Variants in FRMD1 observed in about 807,000 individuals in gnomAD.
FRMD1 encodes FERM domain-containing protein 1.
Under a neutral mutation model 54.9 loss-of-function variants are expected in FRMD1, and 51 were observed. The ratio of observed to expected loss-of-function variants is 0.93; its 90% confidence interval spans 0.74 to 1.17. The LOEUF is 1.17. Among genes scored for constraint, FRMD1 ranks in the 50% most tolerant of loss-of-function variants. FRMD1 has a pLI of 0.00. For synonymous variants in FRMD1, 324 were observed against 306.4 expected (o/e 1.06, Z -0.60); for missense variants, 729 against 743.0 (o/e 0.98, Z 0.22).
In FRMD1 at chr6:168,063,532, C is replaced by A. The variant is rs551868087; in HGVS notation, c.804+69G>T. The A allele has an allele frequency of 1.0e-4, 152 of 1,488,924 alleles. No individual in the cohort carries two copies. The African/African-American group carries it at 2.0e-3, about 20-fold the overall frequency. The allele number at this position is 1,488,924 out of a possible 1,614,324, so 92.2% of individuals were successfully genotyped here. A position where few individuals can be genotyped will look rare whatever the true frequency, so the allele number is the denominator to read the frequency against. The stretch of plus-strand genomic sequence containing the variant: ...CCCTGGGGTCCTGATCCCACTCAGC[C>A]ATGGGGGCTCCGTGCATCCCTGGCC... On this transcript the variant is annotated intron_variant, in intron 6 of 10. Coordinates refer to ENST00000283309, the MANE Select transcript of FRMD1 (RefSeq NM_024919.6).
intron 2 of FRMD1, among the ~76,000 whole-genome samples, chr6:168,069,462 TC>T (rs1471862925): frequency 2.0e-5 from 3 of 152,176 alleles, no homozygotes; most frequent in Non-Finnish European, 2.9e-5. Context: ...TGGTCCTGAC[TC>T]CCCCGAATTC....
At chr6:168,058,530 C>T (rs974953649) in intron 10 of FRMD1, among the ~76,000 whole-genome samples, 2 of 151,830 alleles carry the variant, frequency 1.3e-5, no homozygotes, top group African/African-American at 4.8e-5. Flanking sequence ...CCAGAGGGGG[C>T]CTCACCCTCC....
Position 168,057,194 on chromosome 6 carries a change from G to A in FRMD1, c.1553C>T (p.Pro518Leu). 1.2e-6 allele frequency: 2 copies of A among 1,601,358 alleles called. No homozygotes were observed. Among genetic ancestry groups the A allele is most frequent in the Non-Finnish European group, 1.7e-6 (2 of 1,173,404 alleles). Residue 518 changes from proline to leucine, a missense_variant, in exon 11 of 11, where the codon CCC becomes CTC. Transcript: ENST00000283309. Reference sequence around the variant, plus strand: ...GGGGAGAGTGGCCCTGGTCTCGCAGGGGCCTGCCAGCCTGCAGTCCAGGGC... The same window carrying A: ...GGGGAGAGTGGCCCTGGTCTCGCAGAGGCCTGCCAGCCTGCAGTCCAGGGC... ...HRALDCRLAG[P>L]CETRATLPSK...
At chr6:168,074,721 T>C (rs1800488997) in intron 2 of FRMD1, among the ~76,000 whole-genome samples, 1 of 151,116 alleles carries the variant, frequency 6.6e-6, no homozygotes, top group African/African-American at 2.4e-5. Context: ...TGTGCATGTG[T>C]ACATGTGACT....
chr6:168,066,398 T>A, intron 4 of FRMD1: 1 of 489,412 alleles, frequency 2.0e-6, no homozygotes, highest in Non-Finnish European at 2.7e-6. Flanking sequence ...CTCTGGAGAC[T>A]AAGGCAGAAG....
intron 1 of FRMD1, among the ~76,000 whole-genome samples, chr6:168,088,481 C>T (rs1400353468): frequency 6.6e-6 from 1 of 152,212 alleles, no homozygotes; most frequent in Non-Finnish European, 1.5e-5. Context: ...CCTGCTGCCT[C>T]CCCCGGCATC....
chr6:168,067,263 C>G (rs1335131056), intron 3 of FRMD1, 104 bp downstream of exon 3: 1 of 774,028 alleles, frequency 1.3e-6, no homozygotes. Context: ...CGCGGTCCCC[C>G]ACAGCCCACC....
rs765040355 is a variant in FRMD1, at chr6:168,055,307, G to A, written c.*1790C>T. 3.9e-5 allele frequency: 6 copies of A among 153,072 alleles called. No homozygotes were observed. The highest frequency in any genetic ancestry group is 1.4e-4 in the African/African-American group (6 of 41,442). 9.5% of individuals were successfully genotyped at this position (153,072 alleles called of 1,614,324 possible). ...AAGCCTGGACATGGGGAGTGTGCAT[G>A]TATGGATGTGTGCATGTGTGTGTGT... On this transcript the variant is annotated 3_prime_UTR_variant, in exon 11 of 11. Transcript: ENST00000283309.
rs369363753 is a variant in FRMD1 at position 168,075,835 on chromosome 6, C to G, written c.214-500G>C. ...TAAACACCCAGCGTCTGGTGCGTGTCCCTGTTTCCGGCGTCCCGTGTCCAC... is the reference window on the plus strand; with the variant it reads ...TAAACACCCAGCGTCTGGTGCGTGTGCCTGTTTCCGGCGTCCCGTGTCCAC... On this transcript the variant is annotated intron_variant, in intron 1 of 10. Transcript: ENST00000283309. 5,932 of 1,538,324 alleles carry G rather than the reference C, an allele frequency of 3.9e-3. 14 individuals are homozygous for G. The highest frequency in any genetic ancestry group is 4.8e-3 in the Non-Finnish European group (5,452 of 1,139,880).
Position 168,079,038 on chromosome 6 carries a change from C to A in FRMD1, c.57G>T (p.Thr19=), listed in dbSNP as rs752747508. ...GIDPARTNPD[T]FPPSGARCME... ...TACATCGCGCCCCTGAAGGAGGGAA[C>A]GTGTCAGGGTTTGTCCGGGCGGGGT... Residue 19 remains threonine (T), a synonymous_variant, in exon 1 of 11, where the codon ACG becomes ACT. Coordinates refer to ENST00000283309, the MANE Select transcript of FRMD1 (RefSeq NM_024919.6). 6.2e-7 allele frequency: 1 copy of A among 1,611,262 alleles called. No homozygotes were observed. Among genetic ancestry groups the A allele is most frequent in the Admixed American group, 1.7e-5 (1 of 59,990 alleles).
upstream of FRMD1, among the ~76,000 whole-genome samples, chr6:168,085,228 C>T (rs1265895521): frequency 6.6e-6 from 1 of 152,238 alleles, no homozygotes; most frequent in Non-Finnish European, 1.5e-5. Context: ...AACCTGAGGG[C>T]CTGTGGGGAG....
chr6:168,081,818 G>A (rs1306346390), upstream of FRMD1: 1 of 363,164 alleles, frequency 2.8e-6, no homozygotes, highest in Non-Finnish European at 5.0e-6. Flanking sequence ...GGTGTCCTCT[G>A]GGGGTGGTCG....
At chr6:168,062,016 G>A in intron 7 of FRMD1, 35 bp from the exon 8 acceptor site, 1 of 1,561,004 alleles carries the variant, frequency 6.4e-7, no homozygotes, top group Middle Eastern at 2.3e-4. Flanking sequence ...CACTCCACAG[G>A]TGGAAAACCA....
intron 8 of FRMD1, among the ~76,000 whole-genome samples, chr6:168,061,457 G>A (rs992959950): frequency 6.6e-6 from 1 of 152,164 alleles, no homozygotes; most frequent in Non-Finnish European, 1.5e-5. Context: ...CAGGAAGGGA[G>A]ACCAGGCCTG....
At chr6:168,066,174 C>T (rs889418615) in intron 4 of FRMD1, 6 of 987,278 alleles carry the variant, frequency 6.1e-6, no homozygotes, top group Admixed American at 6.1e-5. Context: ...GTATACCCAC[C>T]CTAGAGAGTA....
rs1799362278 is a variant in FRMD1, at chr6:168,055,346, T to G, written c.*1751A>C. 6.6e-6 allele frequency: 1 copy of G among 152,666 alleles called. No homozygotes were observed. Among genetic ancestry groups the G allele is most frequent in the Non-Finnish European group, 1.5e-5 (1 of 68,522 alleles). The allele number at this position is 152,666 out of a possible 1,614,324, so 9.5% of individuals were successfully genotyped here. A position where few individuals can be genotyped will look rare whatever the true frequency, so the allele number is the denominator to read the frequency against. On this transcript the variant is annotated 3_prime_UTR_variant, in exon 11 of 11. Transcript: ENST00000283309. ...ATGTGTGTGTGTGCATGCGTGTGCA[T>G]CTGTGTGCAGATGTGTGCGTGTGTG...
rs1235951141 is a variant in FRMD1, at chr6:168,066,739, G to C, written c.461+16C>G. ...AGTATTCCAGGAAACACCCCTTACA[G>C]TCCGCATGCCGTTACCTTATGACCC... is the stretch of plus-strand genomic sequence containing the variant. On this transcript the variant is annotated intron_variant, in intron 4 of 10. Coordinates refer to ENST00000283309, the MANE Select transcript of FRMD1 (RefSeq NM_024919.6). The C allele has an allele frequency of 6.2e-7, 1 of 1,607,962 alleles. No homozygotes were observed. The highest frequency in any genetic ancestry group is 1.7e-5 in the Admixed American group (1 of 58,638).
chr6:168,090,820 G>A (rs4708642), intron 1 of FRMD1, among the ~76,000 whole-genome samples: 54,510 of 152,180 alleles, frequency 0.36, 10,599 homozygotes, highest in African/African-American at 0.52. Flanking sequence ...GTGCTTCCAT[G>A]TGATTCTCAG....
chr6:168,075,383 C>T, intron 1 of FRMD1, 48 bp from the exon 2 acceptor site: 1 of 1,498,298 alleles, frequency 6.7e-7, no homozygotes, highest in East Asian at 2.3e-5. Context: ...GCACCTGTCC[C>T]CAGGGAGGCC....
Sources: gnomAD v4.1 joint callset for allele counts (sites outside exome capture counted in the v4.1 genomes callset) on GRCh38, gnomAD v4.1.1 for gene constraint, MANE v1.5 for transcripts, NCBI Gene and HGNC (gene_info 2026-07-23, HGNC 2026-07-21) for gene names.